Variants in TUT4 observed in about 807,000 individuals in gnomAD.
TUT4 encodes the protein terminal uridylyl transferase 4.
Under a neutral mutation model 192.2 loss-of-function variants are expected in TUT4, and 36 were observed. The observed-to-expected ratio is 0.19, with a 90% CI of 0.14 to 0.25. The LOEUF (loss-of-function observed/expected upper bound fraction) is 0.25, where lower values mean the gene tolerates loss of function less well. Ranked by LOEUF, TUT4 falls within the 10% of genes least tolerant of loss-of-function variation. The pLI is 1.00. For synonymous variants in TUT4, 618 were observed against 666.0 expected, an observed-to-expected ratio of 0.93 and a Z score of 1.11; for missense variants, 1,493 against 1,957.2, an observed-to-expected ratio of 0.76 and a Z score of 4.47.
At chr1:52,547,379 AG>A (rs778005656) in intron 1 of TUT4, among the ~76,000 whole-genome samples, 34 of 152,078 alleles carry the variant, frequency 2.2e-4, no homozygotes, top group Non-Finnish European at 3.1e-4. Flanking sequence ...GTCACCCACT[AG>A]ATGATAGTGA....
At chr1:52,476,352 C>T (rs1312150299) in intron 12 of TUT4, among the ~76,000 whole-genome samples, 2 of 152,148 alleles carry the variant, frequency 1.3e-5, no homozygotes, top group East Asian at 3.9e-4. Flanking sequence ...AAACTTTGAT[C>T]CAGTCAAAAA....
chr1:52,531,745 T>TCCA (rs1683471499), intron 1 of TUT4, among the ~76,000 whole-genome samples: 1 of 152,090 alleles, frequency 6.6e-6, no homozygotes, highest in African/African-American at 2.4e-5. Flanking sequence ...AACCTACTCC[T>TCCA]CCACCCTCTT....
intron 24 of TUT4, among the ~76,000 whole-genome samples, chr1:52,441,848 A>C (rs1655695736): frequency 6.6e-6 from 1 of 152,092 alleles, no homozygotes; most frequent in Non-Finnish European, 1.5e-5. Flanking sequence ...GTGCACAGGA[A>C]GGACTGTGGC....
At chr1:52,517,856 C>G (rs1025931020) in intron 2 of TUT4, among the ~76,000 whole-genome samples, 1 of 152,134 alleles carries the variant, frequency 6.6e-6, no homozygotes, top group Admixed American at 6.6e-5. Flanking sequence ...AATAATGTAA[C>G]CTTCTTCTCT....
At chr1:52,488,096 G>A (rs976546261) in intron 9 of TUT4, among the ~76,000 whole-genome samples, 19 of 152,132 alleles carry the variant, frequency 1.2e-4, no homozygotes, top group African/African-American at 4.6e-4. Flanking sequence ...TGACTGTTTC[G>A]TACTCAGCCA....
chr1:52,531,287 G>A (rs549247784), intron 1 of TUT4, among the ~76,000 whole-genome samples: 15 of 150,838 alleles, frequency 9.9e-5, no homozygotes, highest in African/African-American at 3.4e-4. Context: ...GTGCAGTGAT[G>A]CCATTCTAAC....
At chr1:52,464,400 G>A (rs576226082) in intron 16 of TUT4, among the ~76,000 whole-genome samples, 2,169 of 152,042 alleles carry the variant, frequency 0.014, 50 homozygotes, top group African/African-American at 0.05. Flanking sequence ...GACTACAGGC[G>A]CGTGCCACCA....
At chr1:52,469,484 T>C (rs964215913) in intron 14 of TUT4, among the ~76,000 whole-genome samples, 14 of 152,156 alleles carry the variant, frequency 9.2e-5, no homozygotes, top group Non-Finnish European at 1.9e-4. Flanking sequence ...GAATAATAGA[T>C]GGTGGGAACC....
At chr1:52,460,969 AC>A (rs1240520877) in intron 19 of TUT4, 164 bp downstream of exon 19, 1 of 452,888 alleles carries the variant, frequency 2.2e-6, no homozygotes, top group African/African-American at 2.0e-5. Context: ...AGACAGAGCC[AC>A]CCTACTCTGA....
chr1:52,439,544 G>C (rs562157831), intron 24 of TUT4, among the ~76,000 whole-genome samples: 2 of 152,258 alleles, frequency 1.3e-5, no homozygotes, highest in African/African-American at 4.8e-5. Flanking sequence ...TGTCCACTTA[G>C]GTGTTGTCAC....
intron 3 of TUT4, among the ~76,000 whole-genome samples, chr1:52,514,205 C>T (rs1678064208): frequency 6.6e-6 from 1 of 152,098 alleles, no homozygotes; most frequent in Non-Finnish European, 1.5e-5. Context: ...CTTTGGGAGG[C>T]CAGGGTGGGT....
chr1:52,473,558 CT>C (rs1489615298), intron 13 of TUT4, among the ~76,000 whole-genome samples: 2 of 152,034 alleles, frequency 1.3e-5, no homozygotes, highest in Non-Finnish European at 2.9e-5. Flanking sequence ...ATATCTATAG[CT>C]TTTTAAATGC....
In TUT4 at chr1:52,429,085, T is replaced by G. The variant is rs1211294150; in HGVS notation, c.4711+1928A>C. 4.8e-5 allele frequency among the ~76,000 whole-genome samples: 7 copies of G among 146,410 alleles called. No individual in the cohort carries two copies. In the South Asian group the frequency reaches 1.3e-3, roughly 28 times the overall value. ...TGTTTCAAAATTTCCATAATAGGTT[T>G]TTTTTTTTTTTTTTTTGAGATGGAG... On this transcript the variant is annotated intron_variant, in intron 28 of 29. Coordinates refer to ENST00000257177, the MANE Select transcript of TUT4 (RefSeq NM_001009881.3).
rs763446313 is a variant in TUT4, at chr1:52,475,196, A to G, written c.2363T>C (p.Leu788Pro). ...IDNNNLLVNELDFADHGQDSS... is the reference protein window; with the variant it reads ...IDNNNLLVNEPDFADHGQDSS... ...GTCCTGTCCGTGGTCAGCAAAATCT[A>G]GTTCATTTACCAACAAATTGTTGTT... Residue 788 changes from leucine (L) to proline (P), a missense_variant, in exon 13 of 30, where the codon CTA becomes CCA. Leu to Pro is a moderately conservative substitution (Grantham distance 98). This residue lies in a region of TUT4 where 245 missense variants were observed against 218.4 expected (regional missense o/e 1.12). Coordinates refer to ENST00000257177, the MANE Select transcript of TUT4 (RefSeq NM_001009881.3). 1.2e-6 allele frequency: 2 copies of G among 1,614,150 alleles called. No individual in the cohort carries two copies. The highest frequency in any genetic ancestry group is 1.7e-6 in the Non-Finnish European group (2 of 1,180,018).
chr1:52,530,546 C>T (rs1333377394), intron 1 of TUT4, among the ~76,000 whole-genome samples: 5 of 152,160 alleles, frequency 3.3e-5, no homozygotes, highest in African/African-American at 1.2e-4. Context: ...TAATCACCCC[C>T]ACATCTTTTC....
rs1680730170 is a variant in TUT4 at position 52,523,058 on chromosome 1, T to A, written c.718+2505A>T. Among the ~76,000 whole-genome samples, 3 of 129,868 alleles carry A rather than the reference T, an allele frequency of 2.3e-5. No homozygotes were observed. The South Asian group carries it at 8.2e-4, about 36-fold the overall frequency. 85.2% of individuals were successfully genotyped at this position (129,868 alleles called of 152,430 possible). ...TCCAGGCTGGAGTGCAGTGGCGCGA[T>A]CCTGGCTCACTGCAACCTCCATCTC... On this transcript the variant is annotated intron_variant, in intron 2 of 29. Transcript: ENST00000257177.
intron 5 of TUT4, among the ~76,000 whole-genome samples, 160 bp from the exon 6 acceptor site, chr1:52,495,675 T>TA (rs1019503755): frequency 3.3e-5 from 5 of 151,950 alleles, no homozygotes; most frequent in African/African-American, 9.7e-5. Context: ...ATCTATAGAA[T>TA]AAAAAAATGG....
At chr1:52,490,309 A>G (rs1670833624) in intron 8 of TUT4, among the ~76,000 whole-genome samples, 2 of 151,720 alleles carry the variant, frequency 1.3e-5, no homozygotes. Context: ...CACACCCACC[A>G]TGCCTGGCTG....
chr1:52,498,182 G>C (rs756171400), intron 4 of TUT4, among the ~76,000 whole-genome samples: 1 of 150,530 alleles, frequency 6.6e-6, no homozygotes, highest in African/African-American at 2.4e-5. Flanking sequence ...GATCATTTCT[G>C]CAATTCTTAA....
Sources: allele counts gnomAD v4.1 joint callset (sites outside exome capture counted in the v4.1 genomes callset), GRCh38; gene constraint gnomAD v4.1.1; regional missense constraint gnomAD v4.1.1; transcripts MANE v1.5; gene names NCBI Gene and HGNC (gene_info 2026-07-23, HGNC 2026-07-21).